DIS3L2: variants seen among roughly 807,000 people sequenced by gnomAD.
The protein encoded by DIS3L2 is DIS3 like 3'-5' exoribonuclease 2.
DIS3L2 carries 34 observed loss-of-function variants against 97.5 expected under a neutral mutation model. That is an observed-to-expected ratio of 0.35 (90% confidence interval 0.27 to 0.46). The LOEUF (loss-of-function observed/expected upper bound fraction) is 0.46, where lower values mean the gene tolerates loss of function less well. Among genes scored for constraint, DIS3L2 ranks in the 20% least tolerant of loss-of-function variants. The pLI is 1.00. For synonymous variants in DIS3L2, 435 were observed against 445.2 expected (o/e 0.98, Z 0.29); for missense variants, 1,038 against 1,146.0 (o/e 0.91, Z 1.36).
chr2:232,323,268 C>T (rs576730659), intron 14 of DIS3L2, among the ~76,000 whole-genome samples: 2 of 152,322 alleles, frequency 1.3e-5, no homozygotes, highest in East Asian at 1.9e-4. Context: ...GAGCAGAGCC[C>T]GAACTTGGGG....
intron 8 of DIS3L2, among the ~76,000 whole-genome samples, chr2:232,162,365 G>C (rs1690678275): frequency 6.6e-6 from 1 of 152,176 alleles, no homozygotes; most frequent in Non-Finnish European, 1.5e-5. Context: ...GTGAGAAATG[G>C]GGCCAGCCCT....
At chr2:232,330,889 G>T (rs1695718222) in intron 16 of DIS3L2, 113 bp downstream of exon 16, 1 of 1,123,386 alleles carries the variant, frequency 8.9e-7, no homozygotes, top group African/African-American at 1.5e-5. Flanking sequence ...TCTGGACATG[G>T]CTGGGTGGAC....
chr2:232,272,426 C>G (rs1323170306), intron 13 of DIS3L2, among the ~76,000 whole-genome samples: 2 of 151,982 alleles, frequency 1.3e-5, no homozygotes, highest in Non-Finnish European at 2.9e-5. Context: ...AATCGCAAAC[C>G]CGATGGTTAT....
intron 3 of DIS3L2, among the ~76,000 whole-genome samples, chr2:232,016,563 G>C (rs1347610828): frequency 2.0e-5 from 3 of 152,120 alleles, no homozygotes; most frequent in African/African-American, 7.2e-5. Flanking sequence ...GGGCCTATCA[G>C]ATGAGTGATA....
At position 232,181,584 on chromosome 2, in the gene DIS3L2, C is replaced by A. The variant is rs1015439997; in HGVS notation, c.1124+17952C>A. On this transcript the variant is annotated intron_variant, in intron 9 of 20. Transcript: ENST00000325385. ...TCACTTCATCTTCCATCGCTGATAG[C>A]CTTTCTTCCAGTTGATCGCATCGGC... 2.0e-5 allele frequency among the ~76,000 whole-genome samples: 3 copies of A among 152,190 alleles called. No homozygotes were observed. In the South Asian group the frequency reaches 6.2e-4, roughly 32 times the overall value.
chr2:232,005,422 T>G (rs1030947533), intron 1 of DIS3L2, among the ~76,000 whole-genome samples: 6 of 152,176 alleles, frequency 3.9e-5, no homozygotes, highest in Non-Finnish European at 8.8e-5. Flanking sequence ...TCTCCTCTTT[T>G]AGATTGCTAC....
intron 5 of DIS3L2, among the ~76,000 whole-genome samples, chr2:232,083,395 G>A (rs1401344943): frequency 5.3e-5 from 8 of 151,496 alleles, no homozygotes; most frequent in South Asian, 2.1e-4. Context: ...ATATTTCTCC[G>A]TGGTTGGTGG....
intron 14 of DIS3L2, among the ~76,000 whole-genome samples, chr2:232,307,311 T>C (rs918641044): frequency 3.3e-5 from 5 of 152,272 alleles, no homozygotes; most frequent in Non-Finnish European, 5.9e-5. Context: ...GGAGCATGGC[T>C]ACTGAGGAGT....
At chr2:232,170,110 G>A (rs1183144543) in intron 9 of DIS3L2, among the ~76,000 whole-genome samples, 1 of 152,078 alleles carries the variant, frequency 6.6e-6, no homozygotes, top group Non-Finnish European at 1.5e-5. Flanking sequence ...AAAAAGAAAA[G>A]CAACATAAGT....
chr2:231,968,184 G>A (rs868531432), intron 1 of DIS3L2, among the ~76,000 whole-genome samples: 3 of 149,490 alleles, frequency 2.0e-5, no homozygotes, highest in Admixed American at 6.8e-5. Context: ...TGCAAGCTTC[G>A]CCTCCCAGGT....
intron 6 of DIS3L2, among the ~76,000 whole-genome samples, chr2:232,112,997 T>C (rs1159055013): frequency 6.6e-6 from 1 of 151,798 alleles, no homozygotes; most frequent in Non-Finnish European, 1.5e-5. Context: ...GTGGGGAGTC[T>C]GGAAAGGAGG....
intron 8 of DIS3L2, among the ~76,000 whole-genome samples, chr2:232,155,617 C>G (rs1283464785): frequency 6.6e-6 from 1 of 152,096 alleles, no homozygotes; most frequent in African/African-American, 2.4e-5. Flanking sequence ...TCTTAATGAT[C>G]TTGGAAAATG....
At position 232,336,948 on chromosome 2, in the gene DIS3L2, T is replaced by A; in HGVS notation, c.*318T>A. On this transcript the variant is annotated 3_prime_UTR_variant, in exon 21 of 21. Transcript: ENST00000325385. The stretch of plus-strand genomic sequence containing the variant: ...ATGGGGGGGTTTCAGCAACTCAGTG[T>A]CACAGAATAAAATCAAGTGTGGAGT... The A allele has an allele frequency of 2.5e-6, 3 of 1,188,384 alleles. No homozygotes were observed. Among genetic ancestry groups the A allele is most frequent in the Non-Finnish European group, 3.1e-6 (3 of 952,852 alleles). The allele number at this position is 1,188,384 out of a possible 1,614,324, so 73.6% of individuals were successfully genotyped here. A position where few individuals can be genotyped will look rare whatever the true frequency, so the allele number is the denominator to read the frequency against.
At chr2:232,230,824 G>A (rs1692768245) in intron 10 of DIS3L2, among the ~76,000 whole-genome samples, 1 of 152,096 alleles carries the variant, frequency 6.6e-6, no homozygotes, top group Non-Finnish European at 1.5e-5. Flanking sequence ...GCTCTTCTCA[G>A]GGCCCATCCA....
chr2:232,086,545 A>C (rs1183292331), intron 5 of DIS3L2, among the ~76,000 whole-genome samples: 7 of 145,860 alleles, frequency 4.8e-5, no homozygotes, highest in Admixed American at 3.5e-4. Flanking sequence ...CATTAGTGGC[A>C]GAAATAAATA....
intron 6 of DIS3L2, among the ~76,000 whole-genome samples, chr2:232,109,951 C>T (rs562860636): frequency 4.6e-5 from 7 of 152,176 alleles, no homozygotes; most frequent in Non-Finnish European, 1.0e-4. Context: ...TGTTTGCAAA[C>T]TATCCATCTG....
intron 10 of DIS3L2, among the ~76,000 whole-genome samples, chr2:232,231,954 C>T (rs1374695658): frequency 6.6e-6 from 1 of 152,028 alleles, no homozygotes; most frequent in African/African-American, 2.4e-5. Context: ...GCAGGCCTGC[C>T]GGAGGAAGTG....
chr2:232,130,664 G>C lies in DIS3L2; in HGVS notation c.647G>C (p.Cys216Ser). ...DAPVTKDETT[C>S]ISQDTRALSE... is the part of the protein sequence containing the mutation. ...CCGGTTACAAAAGATGAGACCACCT[G>C]CATTTCACAAGACACAAGAGCTTTA... The change falls in exon 7 of 21, where the codon TGC becomes TCC. Residue 216 changes from cysteine to serine, a missense_variant. Cys to Ser is a moderately radical substitution (Grantham distance 112, BLOSUM62 -1). This residue lies in a region of DIS3L2 where 813 missense variants were observed against 880.1 expected (regional missense o/e 0.92). Coordinates refer to ENST00000325385, the MANE Select transcript of DIS3L2 (RefSeq NM_152383.5). 1 of 1,613,814 alleles carries C rather than the reference G, an allele frequency of 6.2e-7. No homozygotes were observed. The highest frequency in any genetic ancestry group is 8.5e-7 in the Non-Finnish European group (1 of 1,179,830).
At chr2:232,330,251 G>A (rs1302865019) in intron 15 of DIS3L2, among the ~76,000 whole-genome samples, 1 of 152,254 alleles carries the variant, frequency 6.6e-6, no homozygotes, top group Non-Finnish European at 1.5e-5. Flanking sequence ...CAGGGGTCCT[G>A]TGGCCAGAAA....
Sources: allele counts gnomAD v4.1 joint callset (sites outside exome capture counted in the v4.1 genomes callset), GRCh38; gene constraint gnomAD v4.1.1; regional missense constraint gnomAD v4.1.1; transcripts MANE v1.5; gene names NCBI Gene and HGNC (gene_info 2026-07-23, HGNC 2026-07-21).